MRE11: variants seen among roughly 807,000 people sequenced by gnomAD.
MRE11 encodes double-strand break repair protein MRE11.
In MRE11, 62 loss-of-function variants were observed where a neutral mutation model predicts 91.7. The observed-to-expected ratio is 0.68, with a 90% confidence interval of 0.55 to 0.84. The LOEUF (loss-of-function observed/expected upper bound fraction) is 0.84. Among genes scored for constraint, MRE11 ranks in the 40% least tolerant of loss-of-function variants. The pLI, the probability that MRE11 is intolerant of heterozygous loss-of-function variation, is 0.00. For synonymous variants in MRE11, 273 were observed against 271.4 expected (o/e 1.01, Z -0.06); for missense variants, 796 against 852.9 (o/e 0.93, Z 0.83).
chr11:94,425,839 C>G (rs540514), intron 19 of MRE11, among the ~76,000 whole-genome samples: 37,947 of 152,020 alleles, frequency 0.25, 4,872 homozygotes, highest in East Asian at 0.32. Flanking sequence ...AAATCAAGTT[C>G]TGCTTAACCT....
Position 94,425,618 on chromosome 11 carries a change from C to T in MRE11, c.2070+4293G>A, listed in dbSNP as rs55860506. 9.1e-3 allele frequency among the ~76,000 whole-genome samples: 1,389 copies of T among 152,236 alleles called. 11 individuals are homozygous for T. The highest frequency in any genetic ancestry group is 0.016 in the Non-Finnish European group (1,095 of 68,020). ...AAGAGACCCATTTCACATGTAATGA[C>T]ACACACAGGCTCAAAGTAAAGGGAT... On this transcript the variant is annotated intron_variant, in intron 19 of 19. Coordinates refer to ENST00000323929, the MANE Select transcript of MRE11 (RefSeq NM_005591.4).
chr11:94,416,460 A>AT lies in MRE11; in HGVS notation c.*3664dup, dbSNP rs1166341810. 1 of 152,202 alleles carries AT rather than the reference A, an allele frequency of 6.6e-6. No individual in the cohort carries two copies. The highest frequency in any genetic ancestry group is 2.4e-5 in the African/African-American group (1 of 41,450). 9.4% of individuals were successfully genotyped at this position (152,202 alleles called of 1,614,324 possible). ...AAATGATGAAATGTGGATCTTTTTC[A>AT]TTCAAGAATATGGAAACTCATTGGA... On this transcript the variant is annotated 3_prime_UTR_variant, in exon 20 of 20. Coordinates refer to ENST00000323929, the MANE Select transcript of MRE11 (RefSeq NM_005591.4).
At chr11:94,495,613 T>C (rs139394576), upstream of MRE11, among the ~76,000 whole-genome samples, 4 of 152,334 alleles carry the variant, frequency 2.6e-5, no homozygotes, top group South Asian at 2.1e-4. Context: ...ATTCTCCTTT[T>C]CTTTAATTGA....
chr11:94,461,095 C>G, intron 11 of MRE11, 59 bp from the exon 12 acceptor site: 2 of 1,412,724 alleles, frequency 1.4e-6, no homozygotes, highest in Non-Finnish European at 2.0e-6. Context: ...AATGTGCATA[C>G]TCATTGCAAG....
chr11:94,470,783 T>G, intron 8 of MRE11, 141 bp from the exon 9 acceptor site: 7 of 921,234 alleles, frequency 7.6e-6, no homozygotes, highest in Non-Finnish European at 1.2e-5. Flanking sequence ...TTCTGCTAAT[T>G]TAACCTTAAT....
intron 16 of MRE11, among the ~76,000 whole-genome samples, chr11:94,438,178 G>A (rs1045191125): frequency 1.3e-5 from 2 of 151,990 alleles, no homozygotes; most frequent in East Asian, 1.9e-4. Flanking sequence ...AATTTCAAAC[G>A]TCTAATTTAG....
At position 94,479,746 on chromosome 11, in the gene MRE11, G is replaced by A. The variant is rs1555015459; in HGVS notation, c.330C>T (p.Asn110=). 4 of 1,611,622 alleles carry A rather than the reference G, an allele frequency of 2.5e-6. No homozygotes were observed. The highest frequency in any genetic ancestry group is 1.3e-5 in the African/African-American group (1 of 74,520). Residue 110 remains asparagine, a synonymous_variant, in exon 5 of 20, where the codon AAC becomes AAT. Transcript: ENST00000323929. ...NFGFSKFPWV[N]YQDGNLNISI... Reference sequence around the variant, plus strand: ...AAATGTTGAGGTTGCCATCTTGATAGTTCACCCATGGAAACCTTAAAAAAA... The same window carrying A: ...AAATGTTGAGGTTGCCATCTTGATAATTCACCCATGGAAACCTTAAAAAAA...
the MRE11 span, among the ~76,000 whole-genome samples, chr11:94,502,657 A>C: frequency 1.3e-5 from 2 of 151,970 alleles, no homozygotes; most frequent in Non-Finnish European, 2.9e-5. Flanking sequence ...AACTAAATTT[A>C]TTTATTTATT....
chr11:94,500,294 T>G, the MRE11 span, among the ~76,000 whole-genome samples: 1 of 152,190 alleles, frequency 6.6e-6, no homozygotes, highest in Admixed American at 6.5e-5. Context: ...ACCTAAGATG[T>G]GTCTATTCCC....
In MRE11 at chr11:94,418,314, C is replaced by T. The variant is rs1945077914; in HGVS notation, c.*1811G>A. The T allele has an allele frequency of 8.6e-6, 2 of 233,066 alleles. No homozygotes were observed. Among genetic ancestry groups the T allele is most frequent in the South Asian group, 1.8e-4 (1 of 5,524 alleles). The allele number at this position is 233,066 out of a possible 1,614,324, so 14.4% of individuals were successfully genotyped here. ...AGAGATTTATCACCCTCTGTAACTG[C>T]TATGTCATCACTTTCCTTAGCGGTG... On this transcript the variant is annotated 3_prime_UTR_variant, in exon 20 of 20. Coordinates refer to ENST00000323929, the MANE Select transcript of MRE11 (RefSeq NM_005591.4).
rs1040571037 is a variant in MRE11 at position 94,419,459 on chromosome 11, G to GGA, written c.*664_*665dup. The stretch of plus-strand genomic sequence containing the variant: ...AGAAAGGAAGAGTGGGGAACGGGGG[G>GGA]GAGAGGGAGAGAGAGAGAGAGAGAG... On this transcript the variant is annotated 3_prime_UTR_variant, in exon 20 of 20. Coordinates refer to ENST00000323929, the MANE Select transcript of MRE11 (RefSeq NM_005591.4). 10 of 183,640 alleles carry GGA rather than the reference G, an allele frequency of 5.4e-5. No homozygotes were observed. In the East Asian group the frequency reaches 6.4e-4, roughly 12 times the overall value. 11.4% of individuals were successfully genotyped at this position (183,640 alleles called of 1,614,324 possible).
upstream of MRE11, among the ~76,000 whole-genome samples, chr11:94,494,475 A>G (rs1197119959): frequency 1.3e-5 from 2 of 152,204 alleles, no homozygotes; most frequent in African/African-American, 4.8e-5. Flanking sequence ...GTTTTAATCT[A>G]TCTGAACCTC....
chr11:94,425,092 T>C lies in MRE11; in HGVS notation c.2070+4819A>G, dbSNP rs576563912. ...TGAAAGAAAAGATCTTAAAGGCAGC[T>C]AGACAGAAGGGTCAGGTCACTTACA... On this transcript the variant is annotated intron_variant, in intron 19 of 19. Transcript: ENST00000323929. Among the ~76,000 whole-genome samples, 4 of 152,144 alleles carry C rather than the reference T, an allele frequency of 2.6e-5. No individual in the cohort carries two copies. In the South Asian group the frequency reaches 8.3e-4, roughly 32 times the overall value.
At chr11:94,474,949 T>G (rs1030364873) in intron 7 of MRE11, among the ~76,000 whole-genome samples, 1 of 152,204 alleles carries the variant, frequency 6.6e-6, no homozygotes, top group African/African-American at 2.4e-5. Context: ...CAAAGTTATA[T>G]GAAGACCACA....
chr11:94,420,241 G>C, intron 19 of MRE11, 60 bp from the exon 20 acceptor site: 2 of 1,393,024 alleles, frequency 1.4e-6, no homozygotes, highest in Non-Finnish European at 2.0e-6. Context: ...AAACAAGACA[G>C]AAGTTCTTAT....
In MRE11 at chr11:94,480,440, G is replaced by A. The variant is rs78675354; in HGVS notation, c.315-679C>T. 4.6e-5 allele frequency among the ~76,000 whole-genome samples: 7 copies of A among 152,284 alleles called. No individual in the cohort carries two copies. The East Asian group carries it at 1.3e-3, about 29-fold the overall frequency. On this transcript the variant is annotated intron_variant, in intron 4 of 19. Transcript: ENST00000323929. Reference sequence around the variant, plus strand: ...CAGCCACACAGTACTCCATTGCATGGATCACCACAATGTGTTTGAGCAGTT... The same window carrying A: ...CAGCCACACAGTACTCCATTGCATGAATCACCACAATGTGTTTGAGCAGTT...
Position 94,419,938 on chromosome 11 carries a change from C to CT in MRE11, c.*186dup, listed in dbSNP as rs1338974360. ...TCAAGAGTGATATTGAAACAAAGCT[C>CT]TTACTACAACAACCAGGTTAAAAAA... On this transcript the variant is annotated 3_prime_UTR_variant, in exon 20 of 20. Coordinates refer to ENST00000323929, the MANE Select transcript of MRE11 (RefSeq NM_005591.4). The CT allele has an allele frequency of 2.1e-6, 1 of 475,524 alleles. No individual in the cohort carries two copies. The highest frequency in any genetic ancestry group is 1.9e-5 in the African/African-American group (1 of 51,778). 29.5% of individuals were successfully genotyped at this position (475,524 alleles called of 1,614,324 possible). A position where few individuals can be genotyped will look rare whatever the true frequency, so the allele number is the denominator to read the frequency against.
At chr11:94,469,074 C>T (rs1946642313) in intron 9 of MRE11, among the ~76,000 whole-genome samples, 1 of 152,092 alleles carries the variant, frequency 6.6e-6, no homozygotes, top group African/African-American at 2.4e-5. Context: ...CAGAAATGTA[C>T]ATAAAATACA....
chr11:94,459,592 C>T lies in MRE11; in HGVS notation c.1327-11G>A, dbSNP rs757767531. 2 of 1,612,372 alleles carry T rather than the reference C, an allele frequency of 1.2e-6. No individual in the cohort carries two copies. Among genetic ancestry groups the T allele is most frequent in the Non-Finnish European group, 1.7e-6 (2 of 1,178,748 alleles). ...TGAGAGCTGCACATTCTGTAAGATA[C>T]AAATCACTGGATGCAGAAATAGTTT... On this transcript the variant is annotated splice_polypyrimidine_tract_variant and intron_variant, in intron 12 of 19. Coordinates refer to ENST00000323929, the MANE Select transcript of MRE11 (RefSeq NM_005591.4).
Sources: allele counts gnomAD v4.1 joint callset (sites outside exome capture counted in the v4.1 genomes callset), GRCh38; gene constraint gnomAD v4.1.1; transcripts MANE v1.5; gene names NCBI Gene and HGNC (gene_info 2026-07-23, HGNC 2026-07-21).